Variants in FHOD1 observed in about 807,000 individuals in gnomAD.
The protein encoded by FHOD1 is formin homology 2 domain containing 1.
FHOD1 carries 89 observed loss-of-function variants against 111.6 expected under a neutral mutation model. That is an observed-to-expected ratio of 0.80 (90% CI 0.67 to 0.95). The LOEUF (loss-of-function observed/expected upper bound fraction) is 0.95, where lower values mean the gene tolerates loss of function less well. Ranked by LOEUF, FHOD1 falls within the 40% of genes least tolerant of loss-of-function variation. FHOD1 has a pLI of 0.00. For synonymous variants in FHOD1, 618 were observed against 639.0 expected, an observed-to-expected ratio of 0.97 and a Z score of 0.50; for missense variants, 1,446 against 1,554.2, an observed-to-expected ratio of 0.93 and a Z score of 1.17.
Position 67,237,292 on chromosome 16 carries a change from G to T in FHOD1, c.940C>A (p.Leu314Met). Residue 314 changes from leucine (L) to methionine (M), a missense_variant, in exon 9 of 22, where the codon CTG (leucine) becomes ATG (methionine). This residue lies in a region of FHOD1 where 234 missense variants were observed against 327.4 expected (regional missense o/e 0.71). Coordinates refer to ENST00000258201, the MANE Select transcript of FHOD1 (RefSeq NM_013241.3). This position sits in a 1 kb window ranked among gnomAD's most constrained non-coding sequence, Gnocchi z 5.6. ...TCGACGTCAGTGCCCGCAGTGCCCAGGTGGCGCTGGACCAGCGCTTCCATG... is the reference window on the plus strand; with the variant it reads ...TCGACGTCAGTGCCCGCAGTGCCCATGTGGCGCTGGACCAGCGCTTCCATG... ...QGMEALVQRH[L>M]GTAGTDVDLR... 3 of 1,613,996 alleles carry T rather than the reference G, an allele frequency of 1.9e-6. No individual in the cohort carries two copies. The highest frequency in any genetic ancestry group is 2.5e-6 in the Non-Finnish European group (3 of 1,180,026).
At position 67,237,005 on chromosome 16, in the gene FHOD1, A is replaced by G; in HGVS notation, c.1103T>C (p.Leu368Pro). The part of the protein sequence containing the change: ...SEEGKRSRRS[L>P]EGGGCPARAP... ...ACGCGCGGGGCAGCCCCCGCCTTCCAGAGAACGGCGGCTCCTCTTGCCCTC... is the reference window on the plus strand; with the variant it reads ...ACGCGCGGGGCAGCCCCCGCCTTCCGGAGAACGGCGGCTCCTCTTGCCCTC... Residue 368 changes from leucine to proline, a missense_variant, in exon 10 of 22, where the codon CTG becomes CCG. By Grantham distance (98) the Leu-to-Pro change is moderately conservative. This residue lies in a region of FHOD1 where 1,085 missense variants were observed against 1,108.8 expected (regional missense o/e 0.98). Coordinates refer to ENST00000258201, the MANE Select transcript of FHOD1 (RefSeq NM_013241.3). This position sits in a 1 kb window ranked among gnomAD's most constrained non-coding sequence, Gnocchi z 5.6. 1 of 1,609,250 alleles carries G rather than the reference A, an allele frequency of 6.2e-7. No homozygotes were observed. The highest frequency in any genetic ancestry group is 1.1e-5 in the South Asian group (1 of 90,632).
rs767121849 is a variant in FHOD1 at position 67,237,580 on chromosome 16, G to C, written c.755-11C>G. 2 of 1,613,796 alleles carry C rather than the reference G, an allele frequency of 1.2e-6. No homozygotes were observed. Among genetic ancestry groups the C allele is most frequent in the Non-Finnish European group, 1.7e-6 (2 of 1,179,650 alleles). ...CCCAGGGAGGAGCACCTGCCACACA[G>C]AAAGTGGAGCAGTCATGGGGGAACA... On this transcript the variant is annotated splice_polypyrimidine_tract_variant and intron_variant, in intron 7 of 21. Coordinates refer to ENST00000258201, the MANE Select transcript of FHOD1 (RefSeq NM_013241.3). The surrounding 1 kb of genome is among the most constrained non-coding windows in gnomAD (Gnocchi z 5.6).
In FHOD1 at chr16:67,234,449, G is replaced by T. The variant is rs751453077; in HGVS notation, c.1343C>A (p.Ala448Glu). Residue 448 changes from alanine (A) to glutamate (E), a missense_variant, in exon 12 of 22, where the codon GCG (alanine) becomes GAG (glutamate). Physicochemically the swap from Ala to Glu is moderately radical, Grantham distance 107. This residue lies in a region of FHOD1 where 1,085 missense variants were observed against 1,108.8 expected (regional missense o/e 0.98). Transcript: ENST00000258201. ...AACCTGCTTCTCTGTTTCTGCTGCC[G>T]CCACATTCTCCAGGAACCGGGCTCT... is the stretch of plus-strand genomic sequence containing the variant. ...IYKARFLENV[A>E]AAETEKQVAL... 9 of 1,601,996 alleles carry T rather than the reference G, an allele frequency of 5.6e-6. No individual in the cohort carries two copies. The highest frequency in any genetic ancestry group is 7.7e-6 in the Non-Finnish European group (9 of 1,176,164).
intron 13 of FHOD1, among the ~76,000 whole-genome samples, chr16:67,232,914 G>A (rs1057033205): frequency 1.3e-5 from 2 of 150,974 alleles, no homozygotes; most frequent in Non-Finnish European, 2.9e-5. Flanking sequence ...GAGCCACCAC[G>A]CCCAGCTCAT....
intron 13 of FHOD1, among the ~76,000 whole-genome samples, chr16:67,233,414 A>G (rs999651131): frequency 6.6e-6 from 1 of 151,508 alleles, no homozygotes; most frequent in African/African-American, 2.4e-5. Flanking sequence ...ATGTCTCACT[A>G]TGTTGCACAG....
rs1395766787 is a variant in FHOD1, at chr16:67,230,089, GTGT to G, written c.3188_3190del (p.Asp1063_Thr1064delinsAla). The G allele has an allele frequency of 6.2e-7, 1 of 1,614,150 alleles. No homozygotes were observed. Among genetic ancestry groups the G allele is most frequent in the South Asian group, 1.1e-5 (1 of 91,084 alleles). ...ACCTCTGCTGCGGCGATTGTGTGTG[GTGT>G]CCTCAGGCCTGCTGGTCAGCAGACT... is the stretch of plus-strand genomic sequence containing the variant. On this transcript the variant is annotated inframe_deletion, in exon 20 of 22. Transcript: ENST00000258201.
rs1367261754 is a variant in FHOD1, at chr16:67,237,241, C to T, written c.991G>A (p.Glu331Lys). ...TCAGAGCGTAAGGCCCGGCCCACCT[C>T]GTAGAGCACAAGCTGCGTGCGCAGG... Reference protein sequence around the residue: ...VDLRTQLVLYENALKLEDGDI... With the variant: ...VDLRTQLVLYKNALKLEDGDI... Residue 331 changes from glutamate to lysine, a missense_variant and splice_region_variant, in exon 9 of 22, where the codon GAG becomes AAG. Glu to Lys is a moderately conservative substitution (Grantham distance 56). Around this residue, in one of 3 missense-constraint regions of FHOD1, gnomAD observed 234 missense variants for 327.4 expected, o/e 0.71. Transcript: ENST00000258201. This position sits in a 1 kb window ranked among gnomAD's most constrained non-coding sequence, Gnocchi z 5.6. 2 of 1,613,076 alleles carry T rather than the reference C, an allele frequency of 1.2e-6. No individual in the cohort carries two copies. Among genetic ancestry groups the T allele is most frequent in the Non-Finnish European group, 1.7e-6 (2 of 1,179,524 alleles).
At position 67,229,921 on chromosome 16, in the gene FHOD1, G is replaced by C; in HGVS notation, c.3284C>G (p.Pro1095Arg). The change falls in exon 21 of 22, where the codon CCA becomes CGA. Residue 1095 changes from proline (P) to arginine (R), a missense_variant. By Grantham distance (103) the Pro-to-Arg change is moderately radical. Transcript: ENST00000258201. ...TGTATCACTGGGTAAACTGGAGCCT[G>C]GGGGTTCTTCTGGGGATGCAGTGGA... ...GPSTASPEEP[P>R]GSSLPSDTSD... is the part of the protein sequence containing the mutation. The C allele has an allele frequency of 6.2e-7, 1 of 1,614,208 alleles. No homozygotes were observed. Among genetic ancestry groups the C allele is most frequent in the Non-Finnish European group, 8.5e-7 (1 of 1,180,024 alleles).
chr16:67,230,501 T>C lies in FHOD1; in HGVS notation c.2864A>G (p.His955Arg). 3 of 1,614,212 alleles carry C rather than the reference T, an allele frequency of 1.9e-6. No individual in the cohort carries two copies. Among genetic ancestry groups the C allele is most frequent in the Non-Finnish European group, 2.5e-6 (3 of 1,180,010 alleles). ...IVHRRVCNRF[H>R]AFLLYLGYTP... ...GTAGCCCAGGTAGAGCAGGAAGGCATGGAACCTAGGCAGGTCAGAGTAGGG... is the reference window on the plus strand; with the variant it reads ...GTAGCCCAGGTAGAGCAGGAAGGCACGGAACCTAGGCAGGTCAGAGTAGGG... Residue 955 changes from histidine to arginine, a missense_variant, in exon 19 of 22, where the codon CAT becomes CGT. Physicochemically the swap from His to Arg is conservative, Grantham distance 29. Transcript: ENST00000258201.
Position 67,237,733 on chromosome 16 carries a change from C to T in FHOD1, c.678G>A (p.Leu226=), listed in dbSNP as rs201524708. 18 of 1,614,210 alleles carry T rather than the reference C, an allele frequency of 1.1e-5. No individual in the cohort carries two copies. Among genetic ancestry groups the T allele is most frequent in the South Asian group, 2.2e-5 (2 of 91,090 alleles). Residue 226 remains leucine, a synonymous_variant, in exon 7 of 22, where the codon CTG becomes CTA. Coordinates refer to ENST00000258201, the MANE Select transcript of FHOD1 (RefSeq NM_013241.3). The surrounding 1 kb of genome is among the most constrained non-coding windows in gnomAD (Gnocchi z 5.6). ...TTTCGGAGTATTCTACAAACACCAA[C>T]AGCAGCTTCAGGGCTGTCTTCACCA... ...RLVVKTALKL[L]LVFVEYSENN...
intron 13 of FHOD1, among the ~76,000 whole-genome samples, 181 bp downstream of exon 13, chr16:67,233,476 T>C (rs2142271058): frequency 6.6e-6 from 1 of 152,162 alleles, no homozygotes; most frequent in East Asian, 1.9e-4. Flanking sequence ...CCCGGCCACA[T>C]TTAGATTCTA....
chr16:67,232,182 C>A lies in FHOD1; in HGVS notation c.2059G>T (p.Gly687Cys), dbSNP rs2034304633. Residue 687 changes from glycine to cysteine, a missense_variant, in exon 14 of 22, where the codon GGC (glycine) becomes TGC (cysteine). Gly to Cys is a radical substitution (Grantham distance 159, BLOSUM62 -3). Around this residue, in one of 3 missense-constraint regions of FHOD1, gnomAD observed 1,085 missense variants for 1,108.8 expected, o/e 0.98. Transcript: ENST00000258201. ...AGCACTGTGGTCATTGTCCGGCGGCCCTCTCCAGCTTTCTGCATGGTTGGG... is the reference window on the plus strand; with the variant it reads ...AGCACTGTGGTCATTGTCCGGCGGCACTCTCCAGCTTTCTGCATGGTTGGG... ...EVLPSKKAGE[G>C]RRTMTTVLDP... 6.2e-7 allele frequency: 1 copy of A among 1,613,966 alleles called. No individual in the cohort carries two copies. The highest frequency in any genetic ancestry group is 1.3e-5 in the African/African-American group (1 of 74,892).
rs757412165 is a variant in FHOD1, at chr16:67,247,437, G to A, written c.-27C>T. 8 of 1,608,040 alleles carry A rather than the reference G, an allele frequency of 5.0e-6. No homozygotes were observed. In the Admixed American group the frequency reaches 6.7e-5, roughly 13 times the overall value. ...GCTCTGCGGCCGGCTCACGCAGCGC[G>A]CCTCCGAGTCCCGGCCCCAGTGCAG... On this transcript the variant is annotated 5_prime_UTR_variant, in exon 1 of 22. Coordinates refer to ENST00000258201, the MANE Select transcript of FHOD1 (RefSeq NM_013241.3).
At chr16:67,236,446 G>A in intron 11 of FHOD1, 111 bp downstream of exon 11, 1 of 1,516,546 alleles carries the variant, frequency 6.6e-7, no homozygotes, top group Non-Finnish European at 8.8e-7. Context: ...TGGAAAGAGA[G>A]AGAGAGAAAG....
intron 1 of FHOD1, among the ~76,000 whole-genome samples, chr16:67,243,833 T>C (rs1055883834): frequency 6.6e-6 from 1 of 152,158 alleles, no homozygotes; most frequent in African/African-American, 2.4e-5. Context: ...AGGATAATAG[T>C]ATCTACCTCT....
At chr16:67,243,179 G>A (rs2034714822) in intron 1 of FHOD1, among the ~76,000 whole-genome samples, 6 of 151,910 alleles carry the variant, frequency 3.9e-5, no homozygotes, top group Admixed American at 3.9e-4. Flanking sequence ...GAAAATAATT[G>A]GTTAACTGCC....
chr16:67,245,855 GA>G (rs1158353973), intron 1 of FHOD1, among the ~76,000 whole-genome samples: 1 of 152,124 alleles, frequency 6.6e-6, no homozygotes, highest in Non-Finnish European at 1.5e-5. Flanking sequence ...TCAGGATCCG[GA>G]CTTTAGGAGC....
At position 67,230,040 on chromosome 16, in the gene FHOD1, T is replaced by C. The variant is rs771134713; in HGVS notation, c.3214+26A>G. Reference sequence around the variant, plus strand: ...CAGGCCAAGGTGGCACTGGAGCCCATTCCCCACAGCTGCTATGGGCCTCAC... The same window carrying C: ...CAGGCCAAGGTGGCACTGGAGCCCACTCCCCACAGCTGCTATGGGCCTCAC... On this transcript the variant is annotated intron_variant, in intron 20 of 21. Transcript: ENST00000258201. The C allele has an allele frequency of 2.5e-6, 4 of 1,613,118 alleles. No individual in the cohort carries two copies. In the South Asian group the frequency reaches 4.4e-5, roughly 18 times the overall value.
At chr16:67,236,139 A>G in intron 11 of FHOD1, 1 of 659,550 alleles carries the variant, frequency 1.5e-6, no homozygotes, top group South Asian at 6.7e-5. Context: ...ATACCCACAC[A>G]GAGCTAGGCA....
Sources: gnomAD v4.1 joint callset for allele counts (sites outside exome capture counted in the v4.1 genomes callset) on GRCh38, gnomAD v4.1.1 for gene constraint, gnomAD v4.1.1 regional missense constraint, Gnocchi (gnomAD v3.1) non-coding constraint, MANE v1.5 for transcripts, NCBI Gene and HGNC (gene_info 2026-07-23, HGNC 2026-07-21) for gene names.